The following HGS variants were observed in gnomAD, a reference collection of about 807,000 sequenced individuals.
The protein encoded by HGS is human growth factor-regulated tyrosine kinase substrate.
In HGS, 63 loss-of-function variants were observed where a neutral mutation model predicts 109.7. The ratio of observed to expected loss-of-function variants is 0.57; its 90% CI spans 0.47 to 0.71. HGS has a LOEUF of 0.71. Ranked by LOEUF, HGS falls within the 30% of genes least tolerant of loss-of-function variation. The pLI is 0.00. For synonymous variants in HGS, 546 were observed against 437.3 expected (o/e 1.25, Z -3.10); for missense variants, 995 against 1,068.3 (o/e 0.93, Z 0.96).
Position 81,691,512 on chromosome 17 carries a change from C to A in HGS, c.603C>A (p.Pro201=), listed in dbSNP as rs1354838897. Residue 201 remains proline, a synonymous_variant, in exon 8 of 22, where the codon CCC becomes CCA. Coordinates refer to ENST00000329138, the MANE Select transcript of HGS (RefSeq NM_004712.5). This position sits in a 1 kb window ranked among gnomAD's most constrained non-coding sequence, Gnocchi z 5.3. ...GTTCTTCCAAGTACTCCACCATCCC[C>A]AAGTTTGGCATCGAGAAGGAGGTGC... The part of the protein sequence containing the change: ...GKCSSKYSTI[P]KFGIEKEVRV... 6.2e-7 allele frequency: 1 copy of A among 1,614,058 alleles called. No individual in the cohort carries two copies. Among genetic ancestry groups the A allele is most frequent in the Non-Finnish European group, 8.5e-7 (1 of 1,180,048 alleles).
chr17:81,690,250 C>T lies in HGS; in HGVS notation c.468+16C>T, dbSNP rs765338117. 59 of 1,613,012 alleles carry T rather than the reference C, an allele frequency of 3.7e-5. No homozygotes were observed. Among genetic ancestry groups the T allele is most frequent in the East Asian group, 6.7e-5 (3 of 44,852 alleles). On this transcript the variant is annotated intron_variant, in intron 6 of 21. Transcript: ENST00000329138. ...TGCCGAGAGAGTGAGTGTGGGCGGC[C>T]GCCAGGGGTTCTGGAGTCGGGCTGC...
At chr17:81,690,825 C>A in intron 7 of HGS, 83 bp downstream of exon 7, 1 of 1,240,406 alleles carries the variant, frequency 8.1e-7, no homozygotes, top group Non-Finnish European at 1.1e-6. Flanking sequence ...CCCTGCTGGG[C>A]CTTTCCTTCC....
chr17:81,686,826 C>T (rs1022989676), intron 3 of HGS, among the ~76,000 whole-genome samples, 177 bp from the exon 4 acceptor site: 2 of 148,254 alleles, frequency 1.3e-5, no homozygotes, highest in African/African-American at 5.2e-5. Context: ...CACCGGGTTC[C>T]CCTCCGGCCA....
At chr17:81,694,722 G>A (rs1442552780) in intron 11 of HGS, 93 bp from the exon 12 acceptor site, 5 of 1,513,590 alleles carry the variant, frequency 3.3e-6, no homozygotes, top group African/African-American at 1.4e-5. Flanking sequence ...TGCGGCTCTG[G>A]TCTCCAGGAT....
In HGS at chr17:81,691,014, C is replaced by T. The variant is rs938774961; in HGVS notation, c.537+272C>T. 1.3e-5 allele frequency among the ~76,000 whole-genome samples: 2 copies of T among 152,242 alleles called. No individual in the cohort carries two copies. The highest frequency in any genetic ancestry group is 2.9e-5 in the Non-Finnish European group (2 of 68,042). ...AGGCCTTGCCACAGTCACTCTGCTG[C>T]TTGCCAGGGCCGTGGGGCCCCCTTC... On this transcript the variant is annotated intron_variant, in intron 7 of 21. Transcript: ENST00000329138. The surrounding 1 kb of genome is among the most constrained non-coding windows in gnomAD (Gnocchi z 5.3).
At chr17:81,689,386 T>G (rs2037030466) in intron 5 of HGS, among the ~76,000 whole-genome samples, 1 of 152,248 alleles carries the variant, frequency 6.6e-6, no homozygotes, top group Non-Finnish European at 1.5e-5. Context: ...AGGTCGTGGC[T>G]GCCAAGGTGT....
At chr17:81,698,374 CT>C (rs2037185810) in intron 18 of HGS, 1 of 152,270 alleles carries the variant, frequency 6.6e-6, no homozygotes, top group Non-Finnish European at 1.5e-5. Flanking sequence ...ATCCGCCCTT[CT>C]CGGCCTTCCA....
chr17:81,696,042 G>A, intron 15 of HGS, 43 bp downstream of exon 15: 1 of 1,494,402 alleles, frequency 6.7e-7, no homozygotes. Context: ...GGGCAGCCAG[G>A]TGTTGTGAGC....
rs1259243812 is a variant in HGS, at chr17:81,696,434, C to T, written c.1471C>T (p.His491Tyr). 4.5e-6 allele frequency: 7 copies of T among 1,564,506 alleles called. No individual in the cohort carries two copies. The highest frequency in any genetic ancestry group is 5.2e-6 in the Non-Finnish European group (6 of 1,157,928). The change falls in exon 16 of 22, where the codon CAC becomes TAC. Residue 491 changes from histidine (H) to tyrosine (Y), a missense_variant. His to Tyr is a moderately conservative substitution (Grantham distance 83). Coordinates refer to ENST00000329138, the MANE Select transcript of HGS (RefSeq NM_004712.5). ...RGALSALREE[H>Y]REKLRRAAEE... ...GGCGCTGAGTGCCCTGCGCGAAGAGCACCGGGAGAAGCTTCGCCGGGCAGC... is the reference window on the plus strand; with the variant it reads ...GGCGCTGAGTGCCCTGCGCGAAGAGTACCGGGAGAAGCTTCGCCGGGCAGC...
chr17:81,684,392 C>G (rs956921397), intron 1 of HGS: 1 of 328,518 alleles, frequency 3.0e-6, no homozygotes, highest in Non-Finnish European at 5.5e-6. Context: ...CGGCCGATTT[C>G]CTCTTGACCG....
chr17:81,690,964 TATA>T (rs924444443), intron 7 of HGS: 38 of 532,768 alleles, frequency 7.1e-5, no homozygotes, highest in Non-Finnish European at 1.2e-4. Context: ...ACTCTGGAAT[TATA>T]ATGTTTTAAA....
chr17:81,693,325 C>T (rs1032293500), intron 8 of HGS, among the ~76,000 whole-genome samples, 178 bp from the exon 9 acceptor site: 1 of 152,230 alleles, frequency 6.6e-6, no homozygotes, highest in African/African-American at 2.4e-5. Flanking sequence ...GTGTGATGCC[C>T]TCGAGTCCTG....
At chr17:81,701,414 C>T (rs2037235558) in intron 21 of HGS, 94 bp from the exon 22 acceptor site, 2 of 1,310,986 alleles carry the variant, frequency 1.5e-6, no homozygotes, top group African/African-American at 1.5e-5. Flanking sequence ...GGATTACAAG[C>T]ACTTGTGGGT....
At chr17:81,687,582 G>A (rs8081820) in intron 4 of HGS, among the ~76,000 whole-genome samples, 46 of 152,292 alleles carry the variant, frequency 3.0e-4, no homozygotes, top group Middle Eastern at 6.8e-3. Flanking sequence ...TTTGGAGAGC[G>A]AGGGCTTCAT....
In HGS at chr17:81,701,614, A is replaced by G. The variant is rs1419027766; in HGVS notation, c.2330A>G (p.Asp777Gly). 6.4e-7 allele frequency: 1 copy of G among 1,563,050 alleles called. No homozygotes were observed. Among genetic ancestry groups the G allele is most frequent in the Non-Finnish European group, 8.6e-7 (1 of 1,161,078 alleles). The change falls in exon 22 of 22, where the codon GAC becomes GGC. Residue 777 changes from aspartate to glycine, a missense_variant. Transcript: ENST00000329138. The part of the protein sequence containing the change: ...QGSEAQLISF[D>G] ...AGCGAGGCCCAGCTCATTTCATTCG[A>G]CTGACCCAGGCCATGCTCACGTCCG...
chr17:81,690,160 G>A, intron 5 of HGS, 22 bp from the exon 6 acceptor site: 1 of 1,611,144 alleles, frequency 6.2e-7, no homozygotes, highest in Non-Finnish European at 8.5e-7. Flanking sequence ...AGCAGGCAGT[G>A]ACTATGGCTT....
intron 7 of HGS, 29 bp downstream of exon 7, chr17:81,690,771 C>T: frequency 3.1e-6 from 5 of 1,596,388 alleles, no homozygotes; most frequent in Non-Finnish European, 4.3e-6. Context: ...GGCTCTACAG[C>T]CCCGGCCAGA....
In HGS at chr17:81,691,967, C is replaced by T. The variant is rs1207228883; in HGVS notation, c.662+396C>T. On this transcript the variant is annotated intron_variant, in intron 8 of 21. Coordinates refer to ENST00000329138, the MANE Select transcript of HGS (RefSeq NM_004712.5). This position sits in a 1 kb window ranked among gnomAD's most constrained non-coding sequence, Gnocchi z 5.3. The stretch of plus-strand genomic sequence containing the variant: ...GGGCCGCGGCCGGTGCCTCGGCGGT[C>T]GGTGTTTTGTCGCAGAGTTTACTCT... The T allele has an allele frequency of 2.6e-5, 5 of 193,390 alleles. No individual in the cohort carries two copies. Among genetic ancestry groups the T allele is most frequent in the East Asian group, 2.6e-4 (2 of 7,790 alleles). The allele number at this position is 193,390 out of a possible 1,614,324, so 12.0% of individuals were successfully genotyped here.
Position 81,696,546 on chromosome 17 carries a change from G to GCCAC in HGS, c.1566+18_1566+21dup. The GCCAC allele has an allele frequency of 2.0e-6, 3 of 1,537,626 alleles. No individual in the cohort carries two copies. Among genetic ancestry groups the GCCAC allele is most frequent in the Non-Finnish European group, 2.6e-6 (3 of 1,139,280 alleles). On this transcript the variant is annotated intron_variant, in intron 16 of 21. Transcript: ENST00000329138. ...AAGAAGCAGGTGCAGTGGCTGCCCA[G>GCCAC]CCACAGGCCGGGGCCGGCTGGGGGA... is the stretch of plus-strand genomic sequence containing the variant.
Sources: allele counts gnomAD v4.1 joint callset (sites outside exome capture counted in the v4.1 genomes callset), GRCh38; gene constraint gnomAD v4.1.1; non-coding constraint Gnocchi (gnomAD v3.1); transcripts MANE v1.5; gene names NCBI Gene and HGNC (gene_info 2026-07-23, HGNC 2026-07-21).